Variants in CDH13 observed in about 807,000 individuals in gnomAD.
CDH13 encodes cadherin 13.
CDH13 carries 24 observed loss-of-function variants against 63.8 expected under a neutral mutation model. The ratio of observed to expected loss-of-function variants is 0.38; its 90% CI spans 0.27 to 0.53. The LOEUF (loss-of-function observed/expected upper bound fraction) is 0.53, where lower values mean the gene tolerates loss of function less well. Among genes scored for constraint, CDH13 ranks in the 20% least tolerant of loss-of-function variants. The pLI, the probability that CDH13 is intolerant of heterozygous loss-of-function variation, is 0.85. For missense variants in CDH13, 1,049 were observed against 903.1 expected (o/e 1.16, Z -2.07); for synonymous variants, 503 against 355.3 (o/e 1.42, Z -4.67).
chr16:82,780,452 T>C (rs78086113), intron 1 of CDH13, among the ~76,000 whole-genome samples: 7,263 of 152,334 alleles, frequency 0.048, 237 homozygotes, highest in Non-Finnish European at 0.07. Context: ...GCCCATGCAA[T>C]GTGCCTTCTG....
At position 83,184,798 on chromosome 16, in the gene CDH13, G is replaced by A. The variant is rs541951977; in HGVS notation, c.484-32547G>A. The stretch of plus-strand genomic sequence containing the variant: ...GTCCAGGGTGGGTGTTGATGAGGAC[G>A]GTAATAATACCTGATGCTTTCGTAG... On this transcript the variant is annotated intron_variant, in intron 4 of 13. Coordinates refer to ENST00000567109, the MANE Select transcript of CDH13 (RefSeq NM_001257.5). Among the ~76,000 whole-genome samples the A allele has an allele frequency of 5.9e-5, 9 of 152,120 alleles. No homozygotes were observed. In the South Asian group the frequency reaches 1.2e-3, roughly 21 times the overall value.
intron 7 of CDH13, among the ~76,000 whole-genome samples, chr16:83,507,819 G>C (rs921355127): frequency 1.3e-5 from 2 of 150,862 alleles, no homozygotes; most frequent in Non-Finnish European, 2.9e-5. Context: ...CAGATCATGG[G>C]CTCAGGAGTT....
rs887238424 is a variant in CDH13 at position 83,557,617 on chromosome 16, T to C, written c.961-44837T>C. Among the ~76,000 whole-genome samples, 3 of 152,280 alleles carry C rather than the reference T, an allele frequency of 2.0e-5. 1 individual carries two copies. Among genetic ancestry groups the C allele is most frequent in the African/African-American group, 7.2e-5 (3 of 41,562 alleles). ...CCATCAGGCACTCAGGGTGACATAC[T>C]CTGCTTGCCCTTTGTTATAGGAAAT... On this transcript the variant is annotated intron_variant, in intron 7 of 13. Transcript: ENST00000567109.
At chr16:83,619,739 C>T (rs1394741148) in intron 8 of CDH13, among the ~76,000 whole-genome samples, 1 of 152,236 alleles carries the variant, frequency 6.6e-6, no homozygotes, top group Non-Finnish European at 1.5e-5. Flanking sequence ...CTAGGGCCTA[C>T]CATAGTAGCC....
chr16:83,111,537 C>T (rs900820685), intron 3 of CDH13, among the ~76,000 whole-genome samples: 14 of 152,186 alleles, frequency 9.2e-5, no homozygotes, highest in African/African-American at 3.4e-4. Flanking sequence ...GAGAGAGTTG[C>T]TGACTCTTCA....
chr16:83,063,125 C>A (rs987305817), intron 3 of CDH13, among the ~76,000 whole-genome samples: 3 of 152,102 alleles, frequency 2.0e-5, no homozygotes, highest in Admixed American at 6.6e-5. Flanking sequence ...GCACGTCTGG[C>A]TAATTTTTGT....
chr16:82,962,066 C>G (rs1907101968), intron 2 of CDH13, among the ~76,000 whole-genome samples: 1 of 152,300 alleles, frequency 6.6e-6, no homozygotes, highest in East Asian at 1.9e-4. Flanking sequence ...ACACCCATGT[C>G]AAATCCCAGG....
At chr16:82,873,456 CT>C (rs1475641356) in intron 2 of CDH13, among the ~76,000 whole-genome samples, 2 of 152,144 alleles carry the variant, frequency 1.3e-5, no homozygotes, top group African/African-American at 4.8e-5. Flanking sequence ...TAAAGTGCTC[CT>C]GTCATTGCCT....
intron 3 of CDH13, among the ~76,000 whole-genome samples, chr16:83,123,996 A>T (rs1012756960): frequency 5.3e-5 from 8 of 152,250 alleles, no homozygotes; most frequent in Middle Eastern, 6.8e-3. Context: ...GGCCCGTCGT[A>T]CGTGTCCTTT....
chr16:82,791,464 C>A (rs150327066), intron 1 of CDH13, among the ~76,000 whole-genome samples: 7 of 152,196 alleles, frequency 4.6e-5, no homozygotes, highest in African/African-American at 1.7e-4. Flanking sequence ...CCCAGGCATT[C>A]GAGCAGGGTG....
intron 5 of CDH13, among the ~76,000 whole-genome samples, chr16:83,248,667 C>T (rs556107690): frequency 1.3e-5 from 2 of 152,296 alleles, no homozygotes; most frequent in African/African-American, 4.8e-5. Context: ...TCATGTACTT[C>T]TCTTTCATGA....
intron 7 of CDH13, among the ~76,000 whole-genome samples, chr16:83,531,391 C>A (rs1039866161): frequency 3.3e-5 from 5 of 152,202 alleles, no homozygotes; most frequent in African/African-American, 1.2e-4. Context: ...AGTCCTGATC[C>A]TGGTACCTAT....
intron 7 of CDH13, among the ~76,000 whole-genome samples, chr16:83,559,974 C>T (rs7190254): frequency 0.77 from 116,820 of 152,128 alleles, 44,811 homozygotes; most frequent in Middle Eastern, 0.85. Flanking sequence ...CGATGGAGGC[C>T]TCATTGCCTG....
intron 1 of CDH13, among the ~76,000 whole-genome samples, chr16:82,781,325 C>T (rs956171856): frequency 4.6e-5 from 7 of 152,120 alleles, no homozygotes; most frequent in African/African-American, 1.4e-4. Context: ...AGGGTCCTGC[C>T]TACCGTTCTG....
chr16:83,399,771 C>G (rs144448300), intron 6 of CDH13, among the ~76,000 whole-genome samples: 1 of 152,164 alleles, frequency 6.6e-6, no homozygotes, highest in Non-Finnish European at 1.5e-5. Context: ...CAGGAGAGCA[C>G]AGACTCCTTT....
At chr16:83,190,062 T>C (rs147801340) in intron 4 of CDH13, among the ~76,000 whole-genome samples, 3 of 152,320 alleles carry the variant, frequency 2.0e-5, no homozygotes, top group African/African-American at 7.2e-5. Flanking sequence ...CTTTCCTTTA[T>C]AAAGTACTAA....
intron 1 of CDH13, among the ~76,000 whole-genome samples, chr16:82,817,947 GTA>G (rs5818410): frequency 0.77 from 117,585 of 151,834 alleles, 45,791 homozygotes; most frequent in East Asian, 0.96. Context: ...ATAAATGCAT[GTA>G]TATATATATA....
At chr16:83,671,092 G>C (rs1914460893) in intron 9 of CDH13, 120 bp downstream of exon 9, 1 of 849,206 alleles carries the variant, frequency 1.2e-6, no homozygotes. Flanking sequence ...TCCTCCTTCT[G>C]GGAATTAACA....
At chr16:83,257,288 G>C (rs1447931522) in intron 5 of CDH13, among the ~76,000 whole-genome samples, 1 of 152,158 alleles carries the variant, frequency 6.6e-6, no homozygotes, top group Non-Finnish European at 1.5e-5. Context: ...AAGAAGCCGA[G>C]ACAGCTGCAA....
Sources: gnomAD v4.1 joint callset for allele counts (sites outside exome capture counted in the v4.1 genomes callset) on GRCh38, gnomAD v4.1.1 for gene constraint, MANE v1.5 for transcripts, NCBI Gene and HGNC (gene_info 2026-07-23, HGNC 2026-07-21) for gene names.